Variants in ABCB4 observed in about 807,000 individuals in gnomAD.
ABCB4 encodes phosphatidylcholine translocator ABCB4.
Under a neutral mutation model 145.7 loss-of-function variants are expected in ABCB4, and 76 were observed. That is an observed-to-expected ratio of 0.52 (90% CI 0.43 to 0.63). The LOEUF (loss-of-function observed/expected upper bound fraction) is 0.63. ABCB4 is among the 30% of genes least tolerant of loss of function. The pLI is 0.00. For missense variants in ABCB4, 1,234 were observed against 1,553.1 expected, an observed-to-expected ratio of 0.79 and a Z score of 3.45; for synonymous variants, 517 against 566.8, an observed-to-expected ratio of 0.91 and a Z score of 1.25.
the ABCB4 span, chr7:87,392,805 A>G: frequency 1.4e-5 from 22 of 1,613,506 alleles, no homozygotes; most frequent in Middle Eastern, 1.6e-4. Flanking sequence ...CTCTTTACGG[A>G]CCCACTTTTT....
At chr7:87,442,355 A>G (rs1040658818) in intron 12 of ABCB4, among the ~76,000 whole-genome samples, 10 of 152,094 alleles carry the variant, frequency 6.6e-5, no homozygotes, top group African/African-American at 2.4e-4. Flanking sequence ...TTCTGTCCCA[A>G]TGCCTTTTTA....
chr7:87,423,708 T>C, intron 17 of ABCB4, 198 bp downstream of exon 17: 2 of 619,360 alleles, frequency 3.2e-6, no homozygotes, highest in Non-Finnish European at 5.6e-6. Flanking sequence ...TATAATTTCA[T>C]TAATATCATA....
intron 3 of ABCB4, among the ~76,000 whole-genome samples, chr7:87,466,909 T>C (rs937333936): frequency 6.6e-6 from 1 of 151,994 alleles, no homozygotes; most frequent in African/African-American, 2.4e-5. Context: ...GCACTAAACG[T>C]GGAAAGGAAC....
At chr7:87,379,507 A>G in the ABCB4 span, among the ~76,000 whole-genome samples, 1 of 152,178 alleles carries the variant, frequency 6.6e-6, no homozygotes, top group African/African-American at 2.4e-5. Flanking sequence ...CTTTTGCTAA[A>G]CTGATTTTTA....
At chr7:87,410,591 A>G (rs1218097520) in intron 23 of ABCB4, among the ~76,000 whole-genome samples, 2 of 152,138 alleles carry the variant, frequency 1.3e-5, no homozygotes, top group African/African-American at 2.4e-5. Flanking sequence ...AATGTTCTCA[A>G]TATTTTTTAT....
chr7:87,446,061 C>T (rs45493691), intron 9 of ABCB4, among the ~76,000 whole-genome samples: 167 of 152,242 alleles, frequency 1.1e-3, no homozygotes, highest in African/African-American at 4.0e-3. Context: ...GCTTCCAAAC[C>T]GACTGCCAGA....
At chr7:87,398,671 C>A, downstream of ABCB4, 1 of 1,603,810 alleles carries the variant, frequency 6.2e-7, no homozygotes, top group South Asian at 1.1e-5. Context: ...AAGCACTTAC[C>A]AAAACATATC....
At chr7:87,383,184 CT>C in the ABCB4 span, among the ~76,000 whole-genome samples, 1 of 152,172 alleles carries the variant, frequency 6.6e-6, no homozygotes, top group South Asian at 2.1e-4. Flanking sequence ...AGTCAACCTA[CT>C]GTGCTATCGA....
chr7:87,446,737 G>A (rs1811368637), intron 9 of ABCB4, among the ~76,000 whole-genome samples: 1 of 152,134 alleles, frequency 6.6e-6, no homozygotes. Flanking sequence ...GCAGAGGGAG[G>A]ATGGCTCCCA....
At chr7:87,380,823 A>G in the ABCB4 span, among the ~76,000 whole-genome samples, 1 of 152,338 alleles carries the variant, frequency 6.6e-6, no homozygotes, top group East Asian at 1.9e-4. Context: ...ATATTTGATA[A>G]TATCTGAAAA....
chr7:87,414,482 C>T (rs373257389), intron 21 of ABCB4, among the ~76,000 whole-genome samples: 2 of 152,286 alleles, frequency 1.3e-5, no homozygotes, highest in East Asian at 3.9e-4. Flanking sequence ...TTTGGAGTGT[C>T]CTTATATCAA....
chr7:87,414,067 C>T (rs958214008), intron 21 of ABCB4, among the ~76,000 whole-genome samples: 1 of 152,200 alleles, frequency 6.6e-6, no homozygotes, highest in Non-Finnish European at 1.5e-5. Context: ...TGGCTTTCTT[C>T]ACAAGGCAGA....
intron 21 of ABCB4, among the ~76,000 whole-genome samples, chr7:87,414,812 A>C (rs767975468): frequency 6.6e-6 from 1 of 152,254 alleles, no homozygotes; most frequent in African/African-American, 2.4e-5. Context: ...GAGAAAAATT[A>C]CTGAGCTTTT....
chr7:87,412,850 C>G (rs1808716511), intron 22 of ABCB4, among the ~76,000 whole-genome samples: 2 of 152,166 alleles, frequency 1.3e-5, no homozygotes, highest in African/African-American at 4.8e-5. Context: ...AACAGGTCAT[C>G]ATTAATGGTG....
chr7:87,465,103 G>C (rs998933182), intron 3 of ABCB4, among the ~76,000 whole-genome samples: 1 of 152,172 alleles, frequency 6.6e-6, no homozygotes, highest in African/African-American at 2.4e-5. Flanking sequence ...AAGCACAAGA[G>C]GTCAGGGAAT....
chr7:87,450,098 C>T lies in ABCB4; in HGVS notation c.709-6G>A, dbSNP rs377466050. ...TCACTAAATGCCGAGAGTATCTGGA[C>T]AGAAAAGAAACAGTGATCACTTTTG... On this transcript the variant is annotated splice_region_variant and splice_polypyrimidine_tract_variant and intron_variant, in intron 7 of 27. Coordinates refer to ENST00000649586, the MANE Select transcript of ABCB4 (RefSeq NM_000443.4). 4.3e-6 allele frequency: 7 copies of T among 1,613,792 alleles called. No homozygotes were observed. The highest frequency in any genetic ancestry group is 1.3e-5 in the African/African-American group (1 of 74,890).
the ABCB4 span, among the ~76,000 whole-genome samples, chr7:87,377,067 T>G: frequency 1.3e-5 from 2 of 152,152 alleles, no homozygotes; most frequent in Non-Finnish European, 2.9e-5. Context: ...ATCCTCTCAA[T>G]TCTATGTTCT....
downstream of ABCB4, chr7:87,399,469 T>C (rs1562943136): frequency 6.6e-6 from 1 of 152,154 alleles, no homozygotes; most frequent in African/African-American, 2.4e-5. Context: ...CGTGAGACCC[T>C]GTCTCAAAGA....
At chr7:87,413,973 C>A (rs1319226079) in intron 21 of ABCB4, among the ~76,000 whole-genome samples, 2 of 152,204 alleles carry the variant, frequency 1.3e-5, no homozygotes, top group Admixed American at 1.3e-4. Flanking sequence ...AGAACTGTGG[C>A]CTGGGAACCA....
Sources: allele counts gnomAD v4.1 joint callset (sites outside exome capture counted in the v4.1 genomes callset), GRCh38; gene constraint gnomAD v4.1.1; transcripts MANE v1.5; gene names NCBI Gene and HGNC (gene_info 2026-07-23, HGNC 2026-07-21).